ARNT2: variants seen among roughly 807,000 people sequenced by gnomAD.
ARNT2 encodes the protein aryl hydrocarbon receptor nuclear translocator 2, also known as ARNT protein 2.
A neutral mutation model predicts 91.7 loss-of-function variants in ARNT2; 36 were observed. The ratio of observed to expected loss-of-function variants is 0.39; its 90% CI spans 0.30 to 0.52. The LOEUF is 0.52. ARNT2 is among the 20% of genes least tolerant of loss of function. The pLI is 0.72. For synonymous variants in ARNT2, 365 were observed against 347.1 expected, an observed-to-expected ratio of 1.05 and a Z score of -0.57; for missense variants, 775 against 939.3, an observed-to-expected ratio of 0.83 and a Z score of 2.29.
intron 4 of ARNT2, among the ~76,000 whole-genome samples, chr15:80,472,831 A>C (rs1468546922): frequency 1.3e-5 from 2 of 152,236 alleles, no homozygotes; most frequent in Admixed American, 1.3e-4. Context: ...GAAATTATTG[A>C]GCACTACTGG....
At chr15:80,518,277 C>CTTTTTTTTTTTTTTTT (rs56726705) in intron 8 of ARNT2, among the ~76,000 whole-genome samples, 5 of 89,350 alleles carry the variant, frequency 5.6e-5, no homozygotes, top group Admixed American at 1.5e-4. Context: ...TTTTTCTATT[C>CTTTTTTTTTTTTTTTT]TTTTTTTTTT....
Position 80,597,328 on chromosome 15 carries a change from C to A in ARNT2, c.*3630C>A. The A allele has an allele frequency of 1.9e-6, 1 of 518,628 alleles. No homozygotes were observed. Among genetic ancestry groups the A allele is most frequent in the Non-Finnish European group, 3.8e-6 (1 of 259,830 alleles). 32.1% of individuals were successfully genotyped at this position (518,628 alleles called of 1,614,324 possible). On this transcript the variant is annotated 3_prime_UTR_variant, in exon 19 of 19. Coordinates refer to ENST00000303329, the MANE Select transcript of ARNT2 (RefSeq NM_014862.4). ...AACAGGAAGAAGCCAGTGACCGGAACAGCTCTAGGAATAACAAGTCAGAAT... is the reference window on the plus strand; with the variant it reads ...AACAGGAAGAAGCCAGTGACCGGAAAAGCTCTAGGAATAACAAGTCAGAAT...
chr15:80,511,421 T>C (rs1006028810), intron 6 of ARNT2, among the ~76,000 whole-genome samples: 2 of 151,776 alleles, frequency 1.3e-5, no homozygotes, highest in Admixed American at 6.6e-5. Flanking sequence ...AAATAACTAA[T>C]GGGTACTAGG....
At chr15:80,583,419 C>T (rs80249779) in intron 17 of ARNT2, among the ~76,000 whole-genome samples, 3,489 of 152,274 alleles carry the variant, frequency 0.023, 50 homozygotes, top group Middle Eastern at 0.034. Context: ...TAAATGGAGA[C>T]GGGACACAGG....
chr15:80,469,239 A>G (rs1196605105), intron 3 of ARNT2, among the ~76,000 whole-genome samples: 1 of 152,182 alleles, frequency 6.6e-6, no homozygotes, highest in Admixed American at 6.5e-5. Flanking sequence ...CCCTTCTGCT[A>G]GTTTTTTATC....
intron 5 of ARNT2, among the ~76,000 whole-genome samples, chr15:80,502,377 A>C (rs904150370): frequency 2.6e-5 from 4 of 152,206 alleles, no homozygotes; most frequent in African/African-American, 9.6e-5. Flanking sequence ...GGCCTTCCAC[A>C]TGGGTGCTGA....
chr15:80,439,004 A>G (rs1006034648), intron 1 of ARNT2, among the ~76,000 whole-genome samples: 12 of 152,116 alleles, frequency 7.9e-5, no homozygotes, highest in African/African-American at 2.4e-4. Flanking sequence ...AAATGTAACT[A>G]TTTGTTAAAG....
chr15:80,476,659 G>T (rs1161940608), intron 5 of ARNT2, among the ~76,000 whole-genome samples: 2 of 152,192 alleles, frequency 1.3e-5, no homozygotes, highest in East Asian at 3.8e-4. Flanking sequence ...TGAGTGTGTT[G>T]TTTATTGTGG....
At chr15:80,577,316 GT>G (rs1413955916) in intron 15 of ARNT2, among the ~76,000 whole-genome samples, 1 of 152,180 alleles carries the variant, frequency 6.6e-6, no homozygotes, top group African/African-American at 2.4e-5. Context: ...CTGTCATCTG[GT>G]GCCCAGAGGC....
intron 1 of ARNT2, among the ~76,000 whole-genome samples, chr15:80,445,792 C>T (rs758528148): frequency 5.3e-5 from 8 of 151,964 alleles, no homozygotes; most frequent in African/African-American, 1.2e-4. Flanking sequence ...CTCAGGCTCA[C>T]GGGGTTTGCA....
intron 5 of ARNT2, among the ~76,000 whole-genome samples, chr15:80,485,694 G>T (rs962661840): frequency 1.9e-4 from 29 of 152,246 alleles, no homozygotes; most frequent in African/African-American, 7.0e-4. Context: ...GGGGAGAGGG[G>T]ATGCTGACTC....
chr15:80,411,660 C>G (rs986458572), intron 1 of ARNT2, among the ~76,000 whole-genome samples: 6 of 151,816 alleles, frequency 4.0e-5, no homozygotes, highest in Admixed American at 1.3e-4. Flanking sequence ...CAGAATTGAA[C>G]AGTCGAATGT....
chr15:80,445,122 T>A (rs1013519623), intron 1 of ARNT2: 1 of 148,638 alleles, frequency 6.7e-6, no homozygotes, highest in Middle Eastern at 3.3e-3. Context: ...GTGGTGTGTA[T>A]GGAGTGTGTG....
At chr15:80,507,704 G>A (rs1324369268) in intron 5 of ARNT2, among the ~76,000 whole-genome samples, 11 of 152,194 alleles carry the variant, frequency 7.2e-5, no homozygotes, top group Non-Finnish European at 1.6e-4. Flanking sequence ...GAGAGGAATC[G>A]GGAGCGCTCT....
intron 3 of ARNT2, among the ~76,000 whole-genome samples, chr15:80,460,944 G>A (rs754209472): frequency 8.5e-5 from 13 of 152,192 alleles, no homozygotes; most frequent in Non-Finnish European, 1.8e-4. Flanking sequence ...CAAGGCAGAA[G>A]GAAGGAGCTG....
chr15:80,559,679 C>G (rs1437357625), intron 11 of ARNT2, among the ~76,000 whole-genome samples: 1 of 151,994 alleles, frequency 6.6e-6, no homozygotes, highest in Non-Finnish European at 1.5e-5. Context: ...CTTGGATTCC[C>G]TCTCCAGGCA....
At chr15:80,460,561 C>G (rs1490109082) in intron 3 of ARNT2, among the ~76,000 whole-genome samples, 1 of 152,220 alleles carries the variant, frequency 6.6e-6, no homozygotes, top group Non-Finnish European at 1.5e-5. Context: ...TCAGCTCTTT[C>G]TCACACATGG....
chr15:80,443,388 C>A (rs1255464285), intron 1 of ARNT2, among the ~76,000 whole-genome samples: 1 of 152,046 alleles, frequency 6.6e-6, no homozygotes, highest in Non-Finnish European at 1.5e-5. Flanking sequence ...CAAGGGCTGG[C>A]CTTGTCTGAT....
At chr15:80,529,071 G>A (rs563895611) in intron 8 of ARNT2, among the ~76,000 whole-genome samples, 4 of 152,264 alleles carry the variant, frequency 2.6e-5, no homozygotes, top group Non-Finnish European at 4.4e-5. Flanking sequence ...GTGCCAGGAT[G>A]ATTTTTAAAA....
Sources: gnomAD v4.1 joint callset for allele counts (sites outside exome capture counted in the v4.1 genomes callset) on GRCh38, gnomAD v4.1.1 for gene constraint, MANE v1.5 for transcripts, NCBI Gene and HGNC (gene_info 2026-07-23, HGNC 2026-07-21) for gene names.